Variants in STK32B observed in about 807,000 individuals in gnomAD.
The protein encoded by STK32B is serine/threonine-protein kinase 32B.
In STK32B, 43 loss-of-function variants were observed where a neutral mutation model predicts 52.6. That is an observed-to-expected ratio of 0.82 (90% CI 0.64 to 1.05). STK32B has a LOEUF of 1.05. Among genes scored for constraint, STK32B ranks in the 50% least tolerant of loss-of-function variants. The probability of loss-of-function intolerance (pLI) is 0.00; values close to 1 mark genes in which losing one functional copy is unlikely to be tolerated. For synonymous variants in STK32B, 238 were observed against 204.3 expected (o/e 1.17, Z -1.41); for missense variants, 621 against 534.6 (o/e 1.16, Z -1.59).
chr4:5,310,002 C>G (rs1053634475), intron 3 of STK32B, among the ~76,000 whole-genome samples: 25 of 152,020 alleles, frequency 1.6e-4, no homozygotes, highest in African/African-American at 5.3e-4. Context: ...CTCATCTCTA[C>G]TAAAAATACA....
chr4:5,206,892 C>A (rs1722607784), intron 3 of STK32B, among the ~76,000 whole-genome samples: 1 of 152,182 alleles, frequency 6.6e-6, no homozygotes, highest in Admixed American at 6.5e-5. Flanking sequence ...CTCTTTAACT[C>A]CTTCTGTATC....
chr4:5,369,148 G>A (rs376360464), intron 4 of STK32B, among the ~76,000 whole-genome samples: 25 of 151,706 alleles, frequency 1.6e-4, no homozygotes, highest in East Asian at 5.9e-4. Flanking sequence ...CTTACTCTTC[G>A]CCTCTCCTCC....
At chr4:5,140,582 A>G (rs1304398490) in intron 2 of STK32B, among the ~76,000 whole-genome samples, 1 of 152,196 alleles carries the variant, frequency 6.6e-6, no homozygotes, top group Non-Finnish European at 1.5e-5. Context: ...ACTCAGAAAG[A>G]TGGAGCAGGT....
chr4:5,157,321 G>C (rs907259272), intron 2 of STK32B, among the ~76,000 whole-genome samples: 4 of 132,718 alleles, frequency 3.0e-5, no homozygotes, highest in African/African-American at 1.1e-4. Context: ...AAAAAAAAAA[G>C]CTGAACAAGG....
intron 1 of STK32B, among the ~76,000 whole-genome samples, chr4:5,069,721 C>T (rs539606303): frequency 2.8e-4 from 43 of 152,144 alleles, no homozygotes; most frequent in Non-Finnish European, 5.6e-4. Context: ...CACAGTCTGG[C>T]AGTAATAAGT....
chr4:5,487,174 G>C (rs1040325743), intron 11 of STK32B, among the ~76,000 whole-genome samples: 4 of 152,178 alleles, frequency 2.6e-5, no homozygotes, highest in African/African-American at 9.7e-5. Context: ...ATGTTGCAGG[G>C]AAGATATGTG....
At chr4:5,280,364 T>C (rs1029037731) in intron 3 of STK32B, among the ~76,000 whole-genome samples, 3 of 152,138 alleles carry the variant, frequency 2.0e-5, no homozygotes, top group Non-Finnish European at 2.9e-5. Context: ...TCACTGTCCA[T>C]GTCACTATCA....
chr4:5,429,862 G>A (rs548593864), intron 6 of STK32B, among the ~76,000 whole-genome samples: 2 of 152,134 alleles, frequency 1.3e-5, no homozygotes, highest in Admixed American at 1.3e-4. Context: ...TCTGGGTTAA[G>A]AGGGTGGTTT....
intron 3 of STK32B, among the ~76,000 whole-genome samples, chr4:5,208,728 T>A (rs1419237111): frequency 1.3e-5 from 2 of 152,120 alleles, no homozygotes; most frequent in South Asian, 4.2e-4. Flanking sequence ...TCTTAGATAT[T>A]CTGGGTAGGG....
At chr4:5,230,547 C>G (rs371959865) in intron 3 of STK32B, among the ~76,000 whole-genome samples, 8 of 151,988 alleles carry the variant, frequency 5.3e-5, no homozygotes, top group Non-Finnish European at 5.9e-5. Context: ...GAACTCCACT[C>G]TATACTCACG....
intron 4 of STK32B, among the ~76,000 whole-genome samples, chr4:5,388,533 G>A (rs195137): frequency 0.81 from 122,771 of 152,136 alleles, 50,841 homozygotes; most frequent in Non-Finnish European, 0.9. Flanking sequence ...CAGGACCGTA[G>A]GACCCCAGCT....
intron 4 of STK32B, among the ~76,000 whole-genome samples, chr4:5,340,756 TATAC>T (rs1256747805): frequency 1.3e-5 from 2 of 152,244 alleles, no homozygotes; most frequent in Admixed American, 6.5e-5. Flanking sequence ...ACTATATACA[TATAC>T]ATACATGTGT....
At chr4:5,106,128 C>A (rs1157363117) in intron 1 of STK32B, among the ~76,000 whole-genome samples, 1 of 151,824 alleles carries the variant, frequency 6.6e-6, no homozygotes, top group Admixed American at 6.6e-5. Context: ...CACGATGAAA[C>A]CCCACCTCTG....
At chr4:5,341,904 G>C in intron 4 of STK32B, among the ~76,000 whole-genome samples, 1 of 152,076 alleles carries the variant, frequency 6.6e-6, no homozygotes, top group Non-Finnish European at 1.5e-5. Context: ...CTTCAGGTTT[G>C]TTATATATGT....
intron 11 of STK32B, among the ~76,000 whole-genome samples, chr4:5,472,985 A>G (rs375985173): frequency 8.3e-4 from 126 of 152,234 alleles, no homozygotes; most frequent in African/African-American, 2.9e-3. Context: ...GTGACAATCA[A>G]AAATGTCTCC....
intron 1 of STK32B, among the ~76,000 whole-genome samples, chr4:5,115,535 G>A (rs915897270): frequency 6.6e-6 from 1 of 152,228 alleles, no homozygotes; most frequent in African/African-American, 2.4e-5. Flanking sequence ...CTGGAAATGT[G>A]CATCTTAAAA....
intron 3 of STK32B, among the ~76,000 whole-genome samples, chr4:5,317,337 T>G (rs868211360): frequency 0.032 from 1,877 of 58,558 alleles, 163 homozygotes; most frequent in South Asian, 0.04. Context: ...ATTACATATA[T>G]AATACATATA....
chr4:5,140,091 A>C, intron 2 of STK32B, 131 bp downstream of exon 2: 1 of 1,458,682 alleles, frequency 6.9e-7, no homozygotes, highest in East Asian at 2.3e-5. Context: ...TTGAAATGTG[A>C]AAGGAAGTCT....
chr4:5,407,180 C>T (rs551886239), intron 5 of STK32B, among the ~76,000 whole-genome samples: 1 of 152,092 alleles, frequency 6.6e-6, no homozygotes, highest in Non-Finnish European at 1.5e-5. Flanking sequence ...GGGCCTCCAA[C>T]CTCTTTGCCA....
Sources: allele counts gnomAD v4.1 joint callset (sites outside exome capture counted in the v4.1 genomes callset), GRCh38; gene constraint gnomAD v4.1.1; transcripts MANE v1.5; gene names NCBI Gene and HGNC (gene_info 2026-07-23, HGNC 2026-07-21).